SEZ6L: variants seen among roughly 807,000 people sequenced by gnomAD.
SEZ6L encodes seizure 6-like protein.
In SEZ6L, 37 loss-of-function variants were observed where a neutral mutation model predicts 106.2. The observed-to-expected ratio is 0.35, with a 90% CI of 0.27 to 0.46. SEZ6L has a LOEUF of 0.46. Among genes scored for constraint, SEZ6L ranks in the 20% least tolerant of loss-of-function variants. The pLI, the probability that SEZ6L is intolerant of heterozygous loss-of-function variation, is 1.00. For missense variants in SEZ6L, 1,172 were observed against 1,332.8 expected, an observed-to-expected ratio of 0.88 and a Z score of 1.88; for synonymous variants, 541 against 570.4, an observed-to-expected ratio of 0.95 and a Z score of 0.73.
chr22:26,332,505 G>C (rs1251026244), intron 9 of SEZ6L, among the ~76,000 whole-genome samples: 1 of 151,152 alleles, frequency 6.6e-6, no homozygotes, highest in African/African-American at 2.4e-5. Flanking sequence ...GGAGTACAGT[G>C]GTGCAATCAA....
chr22:26,355,142 C>T (rs2083401753), intron 12 of SEZ6L, among the ~76,000 whole-genome samples: 1 of 152,262 alleles, frequency 6.6e-6, no homozygotes, highest in South Asian at 2.1e-4. Flanking sequence ...TTGATGGGCC[C>T]CTTCAGTAGG....
At chr22:26,196,724 G>C (rs890747729) in intron 1 of SEZ6L, among the ~76,000 whole-genome samples, 1 of 152,198 alleles carries the variant, frequency 6.6e-6, no homozygotes, top group African/African-American at 2.4e-5. Context: ...TGGTGGTTTG[G>C]ACTTGAGTGG....
rs192327964 is a variant in SEZ6L, at chr22:26,291,989, A to G, written c.95-417A>G. ...AAGTCTTCAGGAAAAGGAAGGAAGG[A>G]AGGAAGGAAGGAAGGAAGGAAGGAA... is the stretch of plus-strand genomic sequence containing the variant. On this transcript the variant is annotated intron_variant, in intron 1 of 16. Coordinates refer to ENST00000248933, the MANE Select transcript of SEZ6L (RefSeq NM_021115.5). 4.8e-4 allele frequency among the ~76,000 whole-genome samples: 33 copies of G among 68,088 alleles called. 1 individual carries two copies. Among genetic ancestry groups the G allele is most frequent in the African/African-American group, 3.0e-3 (33 of 11,114 alleles). 44.7% of individuals were successfully genotyped at this position (68,088 alleles called of 152,430 possible).
chr22:26,340,496 C>T lies in SEZ6L; in HGVS notation c.2076C>T (p.His692=), dbSNP rs774724722. 3.1e-6 allele frequency: 5 copies of T among 1,614,050 alleles called. No individual in the cohort carries two copies. The highest frequency in any genetic ancestry group is 4.2e-6 in the Non-Finnish European group (5 of 1,179,944). ...ACGATGGCGACGAGGTCATGCCCCA[C>T]ATCTTGGGGCAGTACCTTGGGAACA... is the stretch of plus-strand genomic sequence containing the variant. The part of the protein sequence containing the change: ...TIYDGDEVMP[H]ILGQYLGNSG... The change falls in exon 10 of 17, where the codon CAC becomes CAT. Residue 692 remains histidine, a synonymous_variant. Coordinates refer to ENST00000248933, the MANE Select transcript of SEZ6L (RefSeq NM_021115.5).
intron 1 of SEZ6L, among the ~76,000 whole-genome samples, chr22:26,291,750 A>G (rs961050969): frequency 6.6e-6 from 1 of 152,204 alleles, no homozygotes; most frequent in Non-Finnish European, 1.5e-5. Flanking sequence ...CCAACTGTAC[A>G]TGGCATGCCT....
chr22:26,192,377 TAAG>T (rs569153053), intron 1 of SEZ6L, among the ~76,000 whole-genome samples: 4 of 152,280 alleles, frequency 2.6e-5, no homozygotes, highest in Admixed American at 2.0e-4. Flanking sequence ...TTGTAACATT[TAAG>T]AAGAAGTATT....
intron 12 of SEZ6L, among the ~76,000 whole-genome samples, chr22:26,354,662 G>A (rs553122840): frequency 6.6e-6 from 1 of 152,200 alleles, no homozygotes; most frequent in Non-Finnish European, 1.5e-5. Flanking sequence ...CTGAAAGGTG[G>A]AGGCATCATT....
In SEZ6L at chr22:26,270,463, G is replaced by GGTGTGTGTGT. The variant is rs60049781; in HGVS notation, c.95-21918_95-21909dup. Reference sequence around the variant, plus strand: ...GATGTTGGTGCTGACAATTGTGAGGGGTGTGTGTGTGTGTGTGTGTGTGTG... The same window carrying GGTGTGTGTGT: ...GATGTTGGTGCTGACAATTGTGAGGGGTGTGTGTGTGTGTGTGTGTGTGTGTGTGTGTGTG... On this transcript the variant is annotated intron_variant, in intron 1 of 16. Coordinates refer to ENST00000248933, the MANE Select transcript of SEZ6L (RefSeq NM_021115.5). 3.1e-3 allele frequency among the ~76,000 whole-genome samples: 459 copies of GGTGTGTGTGT among 146,364 alleles called. 6 individuals carry two copies. The highest frequency in any genetic ancestry group is 0.028 in the East Asian group (139 of 4,994).
rs796665699 is a variant in SEZ6L at position 26,313,799 on chromosome 22, G to A, written c.1912G>A (p.Val638Met). 1.2e-6 allele frequency: 2 copies of A among 1,612,896 alleles called. No individual in the cohort carries two copies. Among genetic ancestry groups the A allele is most frequent in the South Asian group, 2.2e-5 (2 of 91,034 alleles). ...CGGELSAVAG[V>M]VLSPNWPEPY... ...TGGGGAGCTCTCTGCTGTGGCTGGG[G>A]TGGTATTGTCCCCAAACTGGCCCGA... The change falls in exon 9 of 17, where the codon GTG becomes ATG. Residue 638 changes from valine to methionine, a missense_variant. Coordinates refer to ENST00000248933, the MANE Select transcript of SEZ6L (RefSeq NM_021115.5).
At chr22:26,349,827 C>T (rs1017218634) in intron 11 of SEZ6L, among the ~76,000 whole-genome samples, 1 of 152,162 alleles carries the variant, frequency 6.6e-6, no homozygotes, top group Non-Finnish European at 1.5e-5. Context: ...TTTTTTTCAG[C>T]TCAGAAATGT....
At chr22:26,340,347 AT>A in intron 9 of SEZ6L, 88 bp from the exon 10 acceptor site, 1 of 1,315,396 alleles carries the variant, frequency 7.6e-7, no homozygotes, top group Non-Finnish European at 1.0e-6. Context: ...CACTTAACAA[AT>A]TTTGTATTGC....
intron 9 of SEZ6L, among the ~76,000 whole-genome samples, chr22:26,321,307 T>C (rs917150540): frequency 6.6e-6 from 1 of 152,224 alleles, no homozygotes; most frequent in African/African-American, 2.4e-5. Flanking sequence ...CCACTTGCCA[T>C]GTCTCCAGGA....
chr22:26,348,610 GAA>G (rs1203921988), intron 11 of SEZ6L, among the ~76,000 whole-genome samples: 14 of 23,776 alleles, frequency 5.9e-4, no homozygotes, highest in East Asian at 5.8e-3. Context: ...GAAAGAAAGA[GAA>G]AAAGAAAGAA....
chr22:26,304,215 G>A (rs193261719), intron 5 of SEZ6L, among the ~76,000 whole-genome samples: 8 of 152,034 alleles, frequency 5.3e-5, no homozygotes, highest in East Asian at 3.9e-4. Context: ...AGCTGGGCGC[G>A]GTGGTGGGCA....
intron 10 of SEZ6L, among the ~76,000 whole-genome samples, chr22:26,346,025 G>GTT (rs5844689): frequency 0.013 from 1,918 of 149,848 alleles, 45 homozygotes; most frequent in African/African-American, 0.044. Context: ...TGTTCAAATT[G>GTT]TTTTTTTTTT....
intron 1 of SEZ6L, among the ~76,000 whole-genome samples, chr22:26,193,577 G>A (rs904805978): frequency 2.0e-5 from 3 of 152,196 alleles, no homozygotes; most frequent in Non-Finnish European, 4.4e-5. Flanking sequence ...TGGGAGATGT[G>A]TTGAGAAAGT....
At chr22:26,267,415 A>G (rs978856890) in intron 1 of SEZ6L, among the ~76,000 whole-genome samples, 4 of 152,212 alleles carry the variant, frequency 2.6e-5, no homozygotes, top group African/African-American at 9.7e-5. Flanking sequence ...TGGTAATATA[A>G]CCAAGGACCT....
chr22:26,190,208 C>A (rs1940100242), intron 1 of SEZ6L, among the ~76,000 whole-genome samples: 1 of 152,032 alleles, frequency 6.6e-6, no homozygotes, highest in Non-Finnish European at 1.5e-5. Context: ...ATTGTTAGTT[C>A]TTGGTGGTTT....
chr22:26,337,949 C>A (rs1250152760), intron 9 of SEZ6L, among the ~76,000 whole-genome samples: 1 of 152,166 alleles, frequency 6.6e-6, no homozygotes, highest in African/African-American at 2.4e-5. Context: ...CAATACCTTT[C>A]TTTGTGTTTC....
Sources: allele counts gnomAD v4.1 joint callset (sites outside exome capture counted in the v4.1 genomes callset), GRCh38; gene constraint gnomAD v4.1.1; transcripts MANE v1.5; gene names NCBI Gene and HGNC (gene_info 2026-07-23, HGNC 2026-07-21).